Variants in ADGRE5 observed in about 807,000 individuals in gnomAD.
ADGRE5 encodes the protein CD97 molecule.
ADGRE5 carries 72 observed loss-of-function variants against 100.3 expected under a neutral mutation model. The ratio of observed to expected loss-of-function variants is 0.72; its 90% confidence interval spans 0.59 to 0.87. The LOEUF is 0.87. ADGRE5 is among the 40% of genes least tolerant of loss of function. The pLI, the probability that ADGRE5 is intolerant of heterozygous loss-of-function variation, is 0.00. For missense variants in ADGRE5, 959 were observed against 1,094.7 expected, an observed-to-expected ratio of 0.88 and a Z score of 1.75; for synonymous variants, 439 against 447.8, an observed-to-expected ratio of 0.98 and a Z score of 0.25.
At position 14,408,086 on chromosome 19, in the gene ADGRE5, C is replaced by T. The variant is rs1257091864; in HGVS notation, c.2479-6C>T. ...GGGGCTCAGGCCTCTGGGCTCTCCTCTCCAGGCCCTCAGGGCATCAGAGTC... is the reference window on the plus strand; with the variant it reads ...GGGGCTCAGGCCTCTGGGCTCTCCTTTCCAGGCCCTCAGGGCATCAGAGTC... On this transcript the variant is annotated splice_polypyrimidine_tract_variant and splice_region_variant and intron_variant, in intron 19 of 19. Transcript: ENST00000242786. The T allele has an allele frequency of 3.1e-6, 5 of 1,613,834 alleles. No homozygotes were observed. The highest frequency in any genetic ancestry group is 1.3e-5 in the African/African-American group (1 of 74,920).
At chr19:14,389,891 A>AAACCT (rs1975535118) in intron 3 of ADGRE5, among the ~76,000 whole-genome samples, 1 of 151,748 alleles carries the variant, frequency 6.6e-6, no homozygotes, top group African/African-American at 2.4e-5. Flanking sequence ...CAACATGGAG[A>AAACCT]AACCTCATCT....
chr19:14,404,263 T>A, intron 12 of ADGRE5, 120 bp from the exon 13 acceptor site: 2 of 869,814 alleles, frequency 2.3e-6, no homozygotes, highest in Non-Finnish European at 3.5e-6. Context: ...CCTGTTACAT[T>A]CAGTAGGCGC....
intron 13 of ADGRE5, 79 bp from the exon 14 acceptor site, chr19:14,405,668 TG>T (rs955477111): frequency 2.4e-5 from 25 of 1,040,534 alleles, no homozygotes; most frequent in African/African-American, 9.6e-5. Context: ...CGTCAAAGTG[TG>T]GGGGGGAAAA....
At chr19:14,405,719 G>A (rs760473954) in intron 13 of ADGRE5, 29 bp from the exon 14 acceptor site, 1 of 1,579,418 alleles carries the variant, frequency 6.3e-7, no homozygotes, top group Non-Finnish European at 8.7e-7. Context: ...TGCCCTGAAG[G>A]AACCCTGAGC....
intron 11 of ADGRE5, 132 bp from the exon 12 acceptor site, chr19:14,402,465 C>A: frequency 3.6e-6 from 3 of 828,180 alleles, no homozygotes; most frequent in Non-Finnish European, 5.8e-6. Context: ...CAACTAGAAA[C>A]TGACTCATCG....
Position 14,397,216 on chromosome 19 carries a change from C to T in ADGRE5, c.618C>T (p.Val206=). Residue 206 remains valine (V), a synonymous_variant, in exon 6 of 20, where the codon GTC becomes GTT. Coordinates refer to ENST00000242786, the MANE Select transcript of ADGRE5 (RefSeq NM_078481.4). ...CCCCCAATGGCCCAAACAATACCGT[C>T]TGTGAAGGTCGAGAGCTCAGATCCC... ...PGSPNGPNNT[V]CEDVDECSSG... 1 of 1,614,112 alleles carries T rather than the reference C, an allele frequency of 6.2e-7. No individual in the cohort carries two copies. The highest frequency in any genetic ancestry group is 8.5e-7 in the Non-Finnish European group (1 of 1,180,004).
Position 14,408,094 on chromosome 19 carries a change from C to T in ADGRE5, c.2481C>T (p.Ala827=), listed in dbSNP as rs1976359253. The T allele has an allele frequency of 6.2e-7, 1 of 1,613,864 alleles. No homozygotes were observed. The highest frequency in any genetic ancestry group is 2.2e-5 in the East Asian group (1 of 44,884). Residue 827 remains alanine (A), a splice_region_variant and synonymous_variant, in exon 20 of 20, where the codon GCC becomes GCT. Transcript: ENST00000242786. ...GGCCTCTGGGCTCTCCTCTCCAGGC[C>T]CTCAGGGCATCAGAGTCCGGCATAT... The part of the protein sequence containing the change: ...TSGTGHNQTR[A]LRASESGI
Position 14,408,430 on chromosome 19 carries a change from G to C in ADGRE5, c.*309G>C. 1.7e-6 allele frequency: 1 copy of C among 583,284 alleles called. No homozygotes were observed. Among genetic ancestry groups the C allele is most frequent in the Non-Finnish European group, 3.1e-6 (1 of 325,684 alleles). The allele number at this position is 583,284 out of a possible 1,614,324, so 36.1% of individuals were successfully genotyped here. ...CCCTGGCACCTGTGGCCAGTACTCG[G>C]GACAGACTAAGGGCGCTTGTCCCAT... On this transcript the variant is annotated 3_prime_UTR_variant, in exon 20 of 20. Coordinates refer to ENST00000242786, the MANE Select transcript of ADGRE5 (RefSeq NM_078481.4).
intron 12 of ADGRE5, among the ~76,000 whole-genome samples, chr19:14,403,843 T>C (rs940457243): frequency 1.3e-5 from 2 of 150,564 alleles, no homozygotes; most frequent in African/African-American, 4.9e-5. Flanking sequence ...GTTAGGTTTA[T>C]GTCATAATCT....
intron 1 of ADGRE5, among the ~76,000 whole-genome samples, chr19:14,387,645 A>ATT (rs1975406273): frequency 1.3e-5 from 2 of 148,586 alleles, no homozygotes; most frequent in Non-Finnish European, 3.0e-5. Context: ...GGAGAATGGC[A>ATT]TGAACCCAGG....
intron 1 of ADGRE5, among the ~76,000 whole-genome samples, chr19:14,384,998 G>A (rs1010814882): frequency 2.1e-5 from 1 of 48,094 alleles, no homozygotes; most frequent in South Asian, 7.1e-4. Context: ...TTTTTTTTTT[G>A]AGACTCTTGC....
chr19:14,398,374 G>C, intron 9 of ADGRE5: 1 of 550,266 alleles, frequency 1.8e-6, no homozygotes, highest in Non-Finnish European at 3.3e-6. Context: ...CAGCACTTAA[G>C]AACCTGGAGT....
rs1223762498 is a variant in ADGRE5, at chr19:14,401,662, T to C, written c.1085T>C (p.Leu362Pro). ...YISPSNTELT[L>P]MIQERGDKNV... Reference sequence around the variant, plus strand: ...GCCCCTCTCCCCTCAGAGCTGACCCTGATGATCCAGGAGCGGGGGGACAAG... The same window carrying C: ...GCCCCTCTCCCCTCAGAGCTGACCCCGATGATCCAGGAGCGGGGGGACAAG... Residue 362 changes from leucine (L) to proline (P), a missense_variant, in exon 11 of 20, where the codon CTG (leucine) becomes CCG (proline). Physicochemically the swap from Leu to Pro is moderately conservative, Grantham distance 98. Transcript: ENST00000242786. The surrounding 1 kb of genome is among the most constrained non-coding windows in gnomAD (Gnocchi z 4.1). 1 of 1,597,722 alleles carries C rather than the reference T, an allele frequency of 6.3e-7. No individual in the cohort carries two copies.
At chr19:14,397,407 G>T (rs533853482) in intron 6 of ADGRE5, 184 bp downstream of exon 6, 23 of 790,108 alleles carry the variant, frequency 2.9e-5, no homozygotes, top group African/African-American at 2.5e-4. Context: ...GGGTACTGAG[G>T]GGGAAGGCTC....
rs1306716030 is a variant in ADGRE5, at chr19:14,398,032, C to T, written c.820-30C>T. The T allele has an allele frequency of 1.9e-6, 3 of 1,609,742 alleles. No individual in the cohort carries two copies. In the Admixed American group the frequency reaches 5.0e-5, roughly 27 times the overall value. On this transcript the variant is annotated intron_variant, in intron 8 of 19. Transcript: ENST00000242786. ...AAACTTCCCACCCGCCGTCCAGGCTCTCTGACCCCCACATCTCCTCTCTCT... is the reference window on the plus strand; with the variant it reads ...AAACTTCCCACCCGCCGTCCAGGCTTTCTGACCCCCACATCTCCTCTCTCT...
Position 14,397,132 on chromosome 19 carries a change from C to T in ADGRE5, c.534C>T (p.Leu178=), listed in dbSNP as rs183009793. The T allele has an allele frequency of 6.2e-7, 1 of 1,614,136 alleles. No homozygotes were observed. The highest frequency in any genetic ancestry group is 2.2e-5 in the East Asian group (1 of 44,872). The change falls in exon 6 of 20, where the codon CTC becomes CTT. Residue 178 remains leucine, a synonymous_variant. Coordinates refer to ENST00000242786, the MANE Select transcript of ADGRE5 (RefSeq NM_078481.4). ...CGTGCCACAGCTCCACCCACTGCCT[C>T]AACAACGTGGGCAGCTATCAGTGCC... ...QNPCHSSTHC[L]NNVGSYQCRC...
At chr19:14,384,829 GTC>G (rs1381572951) in intron 1 of ADGRE5, among the ~76,000 whole-genome samples, 1 of 150,784 alleles carries the variant, frequency 6.6e-6, no homozygotes, top group Non-Finnish European at 1.5e-5. Flanking sequence ...ATCTCTCCGT[GTC>G]TCTGTCTCCT....
intron 4 of ADGRE5, among the ~76,000 whole-genome samples, chr19:14,393,005 T>A (rs1975653183): frequency 6.6e-6 from 1 of 151,428 alleles, no homozygotes; most frequent in African/African-American, 2.4e-5. Flanking sequence ...ATCAAGACCA[T>A]CCTGGCTAAC....
At position 14,404,415 on chromosome 19, in the gene ADGRE5, C is replaced by T. The variant is rs767361742; in HGVS notation, c.1482C>T (p.Leu494=). 6.2e-7 allele frequency: 1 copy of T among 1,611,756 alleles called. No homozygotes were observed. Among genetic ancestry groups the T allele is most frequent in the South Asian group, 1.1e-5 (1 of 91,042 alleles). ...TGCCTGGGCCACGGCAGGAGCTGCT[C>T]TGTGCCTTCTGGAAGAGTGACAGCG... ...DVMPGPRQEL[L]CAFWKSDSDR... The change falls in exon 13 of 20, where the codon CTC becomes CTT. Residue 494 remains leucine (L), a synonymous_variant. Transcript: ENST00000242786.
Sources: gnomAD v4.1 joint callset for allele counts (sites outside exome capture counted in the v4.1 genomes callset) on GRCh38, gnomAD v4.1.1 for gene constraint, Gnocchi (gnomAD v3.1) non-coding constraint, MANE v1.5 for transcripts, NCBI Gene and HGNC (gene_info 2026-07-23, HGNC 2026-07-21) for gene names.